The following ADAMTSL1 variants were observed in gnomAD, a reference collection of about 807,000 sequenced individuals.
ADAMTSL1 encodes the protein ADAMTS like 1, also known as ADAMTS-like protein 1.
ADAMTSL1 carries 126 observed loss-of-function variants against 201.8 expected under a neutral mutation model. The ratio of observed to expected loss-of-function variants is 0.62; its 90% CI spans 0.54 to 0.72. The LOEUF is 0.72. Ranked by LOEUF, ADAMTSL1 falls within the 30% of genes least tolerant of loss-of-function variation. ADAMTSL1 has a pLI of 0.00. For missense variants in ADAMTSL1, 2,679 were observed against 2,277.8 expected (o/e 1.18, Z -3.59); for synonymous variants, 1,121 against 903.4 (o/e 1.24, Z -4.32).
intron 2 of ADAMTSL1, among the ~76,000 whole-genome samples, chr9:18,288,126 A>C (rs1046591535): frequency 2.4e-4 from 36 of 152,150 alleles, no homozygotes; most frequent in African/African-American, 8.4e-4. Flanking sequence ...TGATTGGGAA[A>C]TTCTAGGTGA....
rs563478295 is a variant in ADAMTSL1, at chr9:18,609,588, C to A, written c.475-12655C>A. ...GATCTGAGCTTTTGCAAACTTGACC[C>A]TGTCTCCAGAGCTGTGGGACTTGGA... On this transcript the variant is annotated intron_variant, in intron 4 of 28. Transcript: ENST00000380548. 3.2e-4 allele frequency among the ~76,000 whole-genome samples: 48 copies of A among 152,292 alleles called. 1 individual carries two copies. The South Asian group carries it at 9.9e-3, about 32-fold the overall frequency.
intron 1 of ADAMTSL1, among the ~76,000 whole-genome samples, chr9:18,088,802 C>T (rs1587016401): frequency 6.6e-6 from 1 of 152,138 alleles, no homozygotes; most frequent in South Asian, 2.1e-4. Context: ...TAAAATGGAG[C>T]AGCCACTGTG....
intron 1 of ADAMTSL1, among the ~76,000 whole-genome samples, chr9:18,047,899 G>A (rs1021908828): frequency 2.0e-5 from 3 of 152,214 alleles, no homozygotes; most frequent in African/African-American, 7.2e-5. Flanking sequence ...GGATTGCAGA[G>A]GATAGGGACT....
At chr9:18,346,015 C>T (rs1350678963) in intron 2 of ADAMTSL1, among the ~76,000 whole-genome samples, 1 of 152,144 alleles carries the variant, frequency 6.6e-6, no homozygotes, top group Non-Finnish European at 1.5e-5. Context: ...CTCTCTGGTC[C>T]TGCTCTGTTC....
intron 1 of ADAMTSL1, among the ~76,000 whole-genome samples, chr9:18,144,663 G>C (rs4961456): frequency 4.0e-5 from 6 of 151,784 alleles, no homozygotes; most frequent in Non-Finnish European, 8.8e-5. Context: ...GGATTAAAAC[G>C]AATTTTTGCA....
rs528580511 is a variant in ADAMTSL1, at chr9:18,315,004, G to C, written c.207+151023G>C. 6.0e-5 allele frequency among the ~76,000 whole-genome samples: 9 copies of C among 149,748 alleles called. No individual in the cohort carries two copies. The East Asian group carries it at 1.8e-3, about 29-fold the overall frequency. ...GTAGAGACGGGGTTTCACCGTGTTA[G>C]CCAGGATGGTCTCGATCTCCTGACC... On this transcript the variant is annotated intron_variant, in intron 2 of 29. Transcript: ENST00000680146.
chr9:18,174,899 A>C (rs1828069501), intron 2 of ADAMTSL1, among the ~76,000 whole-genome samples: 1 of 152,210 alleles, frequency 6.6e-6, no homozygotes. Flanking sequence ...AAGGAGAACA[A>C]TTTAGTTTCT....
intron 2 of ADAMTSL1, among the ~76,000 whole-genome samples, chr9:18,435,510 G>T (rs1819688701): frequency 6.6e-6 from 1 of 152,148 alleles, no homozygotes; most frequent in Admixed American, 6.5e-5. Flanking sequence ...TATATAGGAG[G>T]GGTTGGAAGT....
chr9:18,558,795 C>G (rs895924683), intron 3 of ADAMTSL1, among the ~76,000 whole-genome samples: 1 of 151,920 alleles, frequency 6.6e-6, no homozygotes, highest in African/African-American at 2.4e-5. Context: ...GTTTGTTGGC[C>G]ACATAAATGT....
chr9:18,844,871 C>T (rs752225265), intron 23 of ADAMTSL1, among the ~76,000 whole-genome samples: 36 of 152,288 alleles, frequency 2.4e-4, no homozygotes, highest in African/African-American at 2.4e-4. Context: ...CCTGGTGTGC[C>T]GTTTTTTAAG....
chr9:18,522,627 T>C (rs1333049892), intron 2 of ADAMTSL1, among the ~76,000 whole-genome samples: 3 of 143,268 alleles, frequency 2.1e-5, no homozygotes, highest in Non-Finnish European at 4.5e-5. Context: ...TGTGTGATGT[T>C]CCCCTTCCTG....
chr9:17,933,432 C>T (rs72695943), intron 1 of ADAMTSL1, among the ~76,000 whole-genome samples: 6,380 of 152,198 alleles, frequency 0.042, 207 homozygotes, highest in Non-Finnish European at 0.057. Flanking sequence ...TAGGGCAGGG[C>T]ATATTTTTGG....
intron 1 of ADAMTSL1, among the ~76,000 whole-genome samples, chr9:17,930,271 A>C (rs997150124): frequency 2.0e-5 from 3 of 152,090 alleles, no homozygotes; most frequent in Non-Finnish European, 4.4e-5. Context: ...TCTTTAACAC[A>C]TAGCTTCCAA....
intron 1 of ADAMTSL1, among the ~76,000 whole-genome samples, chr9:17,907,348 C>T (rs1380832083): frequency 6.6e-6 from 1 of 152,176 alleles, no homozygotes; most frequent in Non-Finnish European, 1.5e-5. Flanking sequence ...GGTGCTGGGA[C>T]ACTCCTCCAC....
rs757152243 is a variant in ADAMTSL1, at chr9:18,892,429, G to C, written c.4684G>C (p.Gly1562Arg). 6.2e-7 allele frequency: 1 copy of C among 1,613,538 alleles called. No homozygotes were observed. Among genetic ancestry groups the C allele is most frequent in the Non-Finnish European group, 8.5e-7 (1 of 1,179,756 alleles). The change falls in exon 26 of 29, where the codon GGG (glycine) becomes CGG (arginine). Residue 1562 changes from glycine (G) to arginine (R), a missense_variant. Transcript: ENST00000380548. ...CTGGTCTGCCTGTACCCGGAGCTGT[G>C]GGGGAGGTGTCCAGACCCGCAGGGT... ...TSWSACTRSC[G>R]GGVQTRRVTC...
intron 20 of ADAMTSL1, among the ~76,000 whole-genome samples, chr9:18,809,129 C>T (rs1823348059): frequency 6.6e-6 from 1 of 152,234 alleles, no homozygotes; most frequent in East Asian, 1.9e-4. Flanking sequence ...GGGAGATACA[C>T]AAATATAGAA....
Position 18,798,697 on chromosome 9 carries a change from G to GT in ADAMTSL1, c.3805+3174dup, listed in dbSNP as rs1172355528. On this transcript the variant is annotated intron_variant, in intron 20 of 28. Transcript: ENST00000380548. ...AGATGGCTTGTGATGAATATTTCAC[G>GT]TGGGCAACAGAGAGAGACGCCTGAT... Among the ~76,000 whole-genome samples the GT allele has an allele frequency of 4.6e-5, 7 of 152,152 alleles. No individual in the cohort carries two copies. In the South Asian group the frequency reaches 1.0e-3, roughly 23 times the overall value.
At chr9:18,626,809 C>T (rs1385964381) in intron 5 of ADAMTSL1, among the ~76,000 whole-genome samples, 1 of 117,294 alleles carries the variant, frequency 8.5e-6, no homozygotes, top group Non-Finnish European at 2.0e-5. Flanking sequence ...TATTTATTTT[C>T]TTTCTTTCTT....
intron 2 of ADAMTSL1, among the ~76,000 whole-genome samples, chr9:18,197,192 G>A (rs1829217248): frequency 1.3e-5 from 2 of 152,106 alleles, no homozygotes; most frequent in African/African-American, 4.8e-5. Context: ...CTTCTTTAAA[G>A]TAGTTTTTTC....
Sources: allele counts gnomAD v4.1 joint callset (sites outside exome capture counted in the v4.1 genomes callset), GRCh38; gene constraint gnomAD v4.1.1; transcripts MANE v1.5; gene names NCBI Gene and HGNC (gene_info 2026-07-23, HGNC 2026-07-21).